VPS13B: variants seen among roughly 807,000 people sequenced by gnomAD.
The protein encoded by VPS13B is vacuolar protein sorting 13 homolog B, also known as intermembrane lipid transfer protein VPS13B.
A neutral mutation model predicts 426.4 loss-of-function variants in VPS13B; 285 were observed. The ratio of observed to expected loss-of-function variants is 0.67; its 90% CI spans 0.61 to 0.74. The LOEUF (loss-of-function observed/expected upper bound fraction) is 0.74, where lower values mean the gene tolerates loss of function less well. Among genes scored for constraint, VPS13B ranks in the 30% least tolerant of loss-of-function variants. The probability of loss-of-function intolerance (pLI) is 0.00; values close to 1 mark genes in which losing one functional copy is unlikely to be tolerated. For synonymous variants in VPS13B, 1,676 were observed against 1,676.4 expected (o/e 1.00, Z 0.01); for missense variants, 4,537 against 4,782.6 (o/e 0.95, Z 1.51).
intron 33 of VPS13B, among the ~76,000 whole-genome samples, chr8:99,579,044 A>G (rs368547982): frequency 1.6e-4 from 24 of 152,350 alleles, no homozygotes; most frequent in African/African-American, 3.8e-4. Context: ...CTTAGAGATC[A>G]TATTACAAGT....
rs1332910868 is a variant in VPS13B, at chr8:99,876,334, A to AGTC, written c.*669_*671dup. 1 of 151,994 alleles carries AGTC rather than the reference A, an allele frequency of 6.6e-6. No individual in the cohort carries two copies. 9.4% of individuals were successfully genotyped at this position (151,994 alleles called of 1,614,324 possible). ...AAGCTGCTATGTGTATTTTCTCTGA[A>AGTC]GTCTGCATTTTACTAAAATTTACAA... On this transcript the variant is annotated 3_prime_UTR_variant, in exon 62 of 62. Transcript: ENST00000357162.
At chr8:99,412,690 T>A (rs1815750998) in intron 21 of VPS13B, among the ~76,000 whole-genome samples, 1 of 152,226 alleles carries the variant, frequency 6.6e-6, no homozygotes, top group Non-Finnish European at 1.5e-5. Context: ...CCTTCCAGTA[T>A]GATATTGACT....
At chr8:99,103,405 C>T (rs1009870511) in intron 5 of VPS13B, among the ~76,000 whole-genome samples, 10 of 151,662 alleles carry the variant, frequency 6.6e-5, no homozygotes, top group African/African-American at 2.4e-4. Flanking sequence ...TCTCAGCTCA[C>T]TGCAACCTCT....
At chr8:99,308,903 G>A (rs1361354459) in intron 19 of VPS13B, among the ~76,000 whole-genome samples, 1 of 152,118 alleles carries the variant, frequency 6.6e-6, no homozygotes, top group African/African-American at 2.4e-5. Context: ...TCTCATTGTG[G>A]TTTTGATTTG....
intron 30 of VPS13B, among the ~76,000 whole-genome samples, chr8:99,533,288 A>T (rs1031016047): frequency 6.6e-6 from 1 of 152,182 alleles, no homozygotes; most frequent in African/African-American, 2.4e-5. Flanking sequence ...TAAGTATCTT[A>T]TTGAAGGTTT....
At chr8:99,056,231 T>G (rs1456858389) in intron 3 of VPS13B, among the ~76,000 whole-genome samples, 1 of 151,944 alleles carries the variant, frequency 6.6e-6, no homozygotes, top group Non-Finnish European at 1.5e-5. Context: ...TAATTTTTTT[T>G]GTGTGTTTTT....
At chr8:99,035,274 T>G (rs1430091850) in intron 2 of VPS13B, among the ~76,000 whole-genome samples, 1 of 152,148 alleles carries the variant, frequency 6.6e-6, no homozygotes, top group Non-Finnish European at 1.5e-5. Flanking sequence ...TCTTCAGAAC[T>G]TTTTTGTCTT....
At chr8:99,809,636 A>G (rs1813596358) in intron 44 of VPS13B, 106 bp downstream of exon 44, 2 of 1,329,498 alleles carry the variant, frequency 1.5e-6, no homozygotes, top group Non-Finnish European at 2.1e-6. Flanking sequence ...ATGCCTAGTT[A>G]TATCTACTAC....
At chr8:99,029,148 G>A (rs1842356986) in intron 2 of VPS13B, among the ~76,000 whole-genome samples, 1 of 149,688 alleles carries the variant, frequency 6.7e-6, no homozygotes, top group Admixed American at 6.6e-5. Context: ...CAGGGCGGCG[G>A]GGCAGAGGTG....
intron 23 of VPS13B, among the ~76,000 whole-genome samples, chr8:99,448,045 T>C (rs1474505121): frequency 6.6e-6 from 1 of 151,698 alleles, no homozygotes; most frequent in Non-Finnish European, 1.5e-5. Context: ...TTCAAGTACA[T>C]CAAGAATGAC....
At chr8:99,175,374 G>C (rs1812573178) in intron 16 of VPS13B, among the ~76,000 whole-genome samples, 2 of 152,228 alleles carry the variant, frequency 1.3e-5, no homozygotes, top group South Asian at 4.1e-4. Context: ...ATTTAGCCTA[G>C]AAATATCAAA....
At chr8:99,546,454 G>C (rs1381692163) in intron 30 of VPS13B, among the ~76,000 whole-genome samples, 1 of 151,954 alleles carries the variant, frequency 6.6e-6, no homozygotes, top group Non-Finnish European at 1.5e-5. Context: ...TAGGCGACAA[G>C]AGGGGACTGA....
chr8:99,437,909 G>C (rs371122216), intron 22 of VPS13B, among the ~76,000 whole-genome samples: 5 of 151,872 alleles, frequency 3.3e-5, no homozygotes, highest in African/African-American at 1.2e-4. Flanking sequence ...AAATGTGCTG[G>C]CTAGAATTTA....
At chr8:99,722,125 C>T (rs1833155882) in intron 39 of VPS13B, among the ~76,000 whole-genome samples, 2 of 152,204 alleles carry the variant, frequency 1.3e-5, no homozygotes. Context: ...TTCTCATGAT[C>T]CTTTAGCCAC....
At chr8:99,443,187 A>G (rs769058160) in intron 23 of VPS13B, among the ~76,000 whole-genome samples, 3 of 152,102 alleles carry the variant, frequency 2.0e-5, no homozygotes, top group Admixed American at 6.6e-5. Flanking sequence ...ACTTTGGCAT[A>G]TTCATTTCAA....
chr8:99,398,698 C>A (rs780904787), intron 21 of VPS13B, among the ~76,000 whole-genome samples: 1 of 151,994 alleles, frequency 6.6e-6, no homozygotes, highest in South Asian at 2.1e-4. Flanking sequence ...TGAGACTTAA[C>A]GATCAGGAAA....
At chr8:99,565,668 T>C (rs1210606919) in intron 31 of VPS13B, among the ~76,000 whole-genome samples, 1 of 152,196 alleles carries the variant, frequency 6.6e-6, no homozygotes, top group East Asian at 1.9e-4. Flanking sequence ...CATAGTTTGA[T>C]TAGTGATTAA....
chr8:99,016,470 A>G (rs973490429), intron 2 of VPS13B, among the ~76,000 whole-genome samples: 1 of 137,898 alleles, frequency 7.3e-6, no homozygotes, highest in African/African-American at 2.8e-5. Flanking sequence ...CTAATGACTA[A>G]TTATGTTTTT....
intron 19 of VPS13B, among the ~76,000 whole-genome samples, chr8:99,374,454 A>G (rs1813364501): frequency 6.6e-6 from 1 of 151,974 alleles, no homozygotes; most frequent in South Asian, 2.1e-4. Flanking sequence ...CATCTATATT[A>G]TTATTAGAGT....
Sources: gnomAD v4.1 joint callset for allele counts (sites outside exome capture counted in the v4.1 genomes callset) on GRCh38, gnomAD v4.1.1 for gene constraint, MANE v1.5 for transcripts, NCBI Gene and HGNC (gene_info 2026-07-23, HGNC 2026-07-21) for gene names.